Variants in ZNF469 observed in about 807,000 individuals in gnomAD.
ZNF469 encodes the protein zinc finger protein 469.
ZNF469 carries 1 observed loss-of-function variant against 1.0 expected under a neutral mutation model. The ratio of observed to expected loss-of-function variants is 1.00; its 90% CI spans 0.35 to 4.73. ZNF469 has a LOEUF of 4.73. ZNF469 is among the 30% of genes most tolerant of loss of function. The pLI is 0.16. For missense variants in ZNF469, 6,100 were observed against 5,356.3 expected, an observed-to-expected ratio of 1.14 and a Z score of -4.33; for synonymous variants, 2,703 against 2,363.4, an observed-to-expected ratio of 1.14 and a Z score of -4.17.
At chr16:88,189,344 G>T in the ZNF469 span, among the ~76,000 whole-genome samples, 1 of 152,144 alleles carries the variant, frequency 6.6e-6, no homozygotes, top group Admixed American at 6.5e-5. This position sits in a 1 kb window ranked among gnomAD's most constrained non-coding sequence, Gnocchi z 4.3. Context: ...GTATGTGATG[G>T]TTCTTCCCAA....
chr16:88,254,136 C>T, the ZNF469 span, among the ~76,000 whole-genome samples: 145,073 of 152,244 alleles, frequency 0.95, 69,502 homozygotes, highest in East Asian at 1. Context: ...GTAAACATTA[C>T]TGCTCTAGGT....
the ZNF469 span, among the ~76,000 whole-genome samples, chr16:88,139,647 G>A: frequency 1.3e-5 from 2 of 151,802 alleles, no homozygotes; most frequent in African/African-American, 4.8e-5. Context: ...TTGTCCCCTG[G>A]CCTGGGGACG....
chr16:88,335,378 G>A, the ZNF469 span, among the ~76,000 whole-genome samples: 9 of 152,322 alleles, frequency 5.9e-5, no homozygotes, highest in South Asian at 1.5e-3. Context: ...GGGCCACTCC[G>A]GGGTGCTCTG....
the ZNF469 span, among the ~76,000 whole-genome samples, chr16:88,296,307 G>C: frequency 6.6e-6 from 1 of 152,230 alleles, no homozygotes; most frequent in African/African-American, 2.4e-5. Context: ...CGGAACATGA[G>C]AGACAGGCTC....
At position 88,440,005 on chromosome 16, in the gene ZNF469, G is replaced by C. The variant is rs1431126267; in HGVS notation, c.*673G>C. ...CCTTGACCCCAGGAACCGGGTTCCC[G>C]TATGGAACTGGGAAGAAACCGCCCC... On this transcript the variant is annotated 3_prime_UTR_variant, in exon 3 of 3. Transcript: ENST00000565624. The C allele has an allele frequency of 6.5e-6, 1 of 153,824 alleles. No individual in the cohort carries two copies. The highest frequency in any genetic ancestry group is 1.4e-5 in the Non-Finnish European group (1 of 69,604). The allele number at this position is 153,824 out of a possible 1,614,324, so 9.5% of individuals were successfully genotyped here. A position where few individuals can be genotyped will look rare whatever the true frequency, so the allele number is the denominator to read the frequency against.
Position 88,430,536 on chromosome 16 carries a change from C to A in ZNF469, c.3066C>A (p.Thr1022=). Residue 1022 remains threonine, a synonymous_variant, in exon 3 of 3, where the codon ACC becomes ACA. Transcript: ENST00000565624. ...VPRAAALPEE[T]RSSRRRRLPP... is the part of the protein sequence containing the mutation. ...GAGCCGCCGCCCTCCCCGAGGAGACCCGCAGCTCCCGGCGCCGCCGGCTGC... is the reference window on the plus strand; with the variant it reads ...GAGCCGCCGCCCTCCCCGAGGAGACACGCAGCTCCCGGCGCCGCCGGCTGC... The A allele has an allele frequency of 6.8e-7, 1 of 1,465,232 alleles. No individual in the cohort carries two copies. The highest frequency in any genetic ancestry group is 2.5e-5 in the Admixed American group (1 of 40,344). The allele number at this position is 1,465,232 out of a possible 1,614,324, so 90.8% of individuals were successfully genotyped here.
At chr16:88,423,075 G>A (rs963805525) in intron 1 of ZNF469, among the ~76,000 whole-genome samples, 1 of 148,444 alleles carries the variant, frequency 6.7e-6, no homozygotes, top group African/African-American at 2.5e-5. Context: ...TGGATGGGTA[G>A]ATAGATGGAT....
At chr16:88,386,915 T>TG (rs894550575) in intron 1 of ZNF469, among the ~76,000 whole-genome samples, 1 of 152,118 alleles carries the variant, frequency 6.6e-6, no homozygotes, top group African/African-American at 2.4e-5. Flanking sequence ...CATTTGCCAG[T>TG]GGTCATGGTG....
chr16:88,174,053 G>A, the ZNF469 span, among the ~76,000 whole-genome samples: 1 of 152,060 alleles, frequency 6.6e-6, no homozygotes, highest in Non-Finnish European at 1.5e-5. Flanking sequence ...AACAACAATT[G>A]TAAGATACAG....
the ZNF469 span, among the ~76,000 whole-genome samples, chr16:88,327,524 G>A: frequency 6.6e-6 from 1 of 152,108 alleles, no homozygotes; most frequent in Non-Finnish European, 1.5e-5. Flanking sequence ...GGCCAGGCCT[G>A]TGCCATCCTC....
the ZNF469 span, among the ~76,000 whole-genome samples, chr16:88,304,977 T>C: frequency 6.6e-6 from 1 of 152,004 alleles, no homozygotes; most frequent in African/African-American, 2.4e-5. Context: ...CCATCTGGAA[T>C]CCCCCTCCCC....
chr16:88,394,170 G>A (rs973461001), intron 1 of ZNF469, among the ~76,000 whole-genome samples: 1 of 151,540 alleles, frequency 6.6e-6, no homozygotes, highest in Non-Finnish European at 1.5e-5. Flanking sequence ...GATGGGGTTT[G>A]ACAGGTCTAC....
chr16:88,235,400 C>T, the ZNF469 span, among the ~76,000 whole-genome samples: 5 of 152,212 alleles, frequency 3.3e-5, no homozygotes, highest in East Asian at 1.9e-4. Flanking sequence ...ACACCTGGAG[C>T]GCGGAACTGG....
the ZNF469 span, among the ~76,000 whole-genome samples, chr16:88,134,263 C>T: frequency 3.3e-5 from 5 of 152,222 alleles, no homozygotes; most frequent in East Asian, 3.8e-4. Context: ...CATCCTTCTG[C>T]GTCGGGACAC....
At chr16:88,343,771 C>T in the ZNF469 span, among the ~76,000 whole-genome samples, 1 of 152,130 alleles carries the variant, frequency 6.6e-6, no homozygotes, top group East Asian at 1.9e-4. Flanking sequence ...TTCATGAGGG[C>T]AGAGCCCTCT....
chr16:88,138,311 T>A, the ZNF469 span, among the ~76,000 whole-genome samples: 1 of 152,186 alleles, frequency 6.6e-6, no homozygotes, highest in Non-Finnish European at 1.5e-5. Context: ...GATCGGCCCC[T>A]CCCCTGCCCT....
the ZNF469 span, among the ~76,000 whole-genome samples, chr16:88,346,737 GTTCC>G: frequency 6.6e-6 from 1 of 152,204 alleles, no homozygotes. Flanking sequence ...GGCTGGACCT[GTTCC>G]TTCCTTTAAG....
the ZNF469 span, among the ~76,000 whole-genome samples, chr16:88,175,110 C>T: frequency 6.6e-6 from 1 of 152,216 alleles, no homozygotes; most frequent in Non-Finnish European, 1.5e-5. Context: ...GATCTTCCGA[C>T]TGATTCAGTC....
the ZNF469 span, among the ~76,000 whole-genome samples, chr16:88,197,338 G>GGAGC: frequency 1.2e-4 from 19 of 152,322 alleles, no homozygotes; most frequent in African/African-American, 4.3e-4. Flanking sequence ...CACTAGAGCA[G>GGAGC]GAGCGAGCAG....
Sources: gnomAD v4.1 joint callset for allele counts (sites outside exome capture counted in the v4.1 genomes callset) on GRCh38, gnomAD v4.1.1 for gene constraint, Gnocchi (gnomAD v3.1) non-coding constraint, MANE v1.5 for transcripts, NCBI Gene and HGNC (gene_info 2026-07-23, HGNC 2026-07-21) for gene names.